The following IPO11 variants were observed in gnomAD, a reference collection of about 807,000 sequenced individuals.
IPO11 encodes the protein importin 11.
Under a neutral mutation model 143.2 loss-of-function variants are expected in IPO11, and 66 were observed. That is an observed-to-expected ratio of 0.46 (90% CI 0.38 to 0.57). The LOEUF (loss-of-function observed/expected upper bound fraction) is 0.57, where lower values mean the gene tolerates loss of function less well. IPO11 is among the 20% of genes least tolerant of loss of function. The probability of loss-of-function intolerance (pLI) is 0.00; values close to 1 mark genes in which losing one functional copy is unlikely to be tolerated. For missense variants in IPO11, 1,026 were observed against 1,141.0 expected (o/e 0.90, Z 1.45); for synonymous variants, 385 against 377.8 (o/e 1.02, Z -0.22).
At chr5:62,568,753 G>T (rs1178545661) in intron 27 of IPO11, among the ~76,000 whole-genome samples, 1 of 152,078 alleles carries the variant, frequency 6.6e-6, no homozygotes, top group Non-Finnish European at 1.5e-5. Flanking sequence ...ATTATTTAGT[G>T]TGATAAATAT....
At chr5:62,440,216 A>G (rs2112137615) in intron 2 of IPO11, among the ~76,000 whole-genome samples, 1 of 152,332 alleles carries the variant, frequency 6.6e-6, no homozygotes, top group Admixed American at 6.5e-5. Context: ...GGAGACCCAA[A>G]AGAGGGACTT....
intron 28 of IPO11, among the ~76,000 whole-genome samples, chr5:62,593,505 C>CA (rs1745109177): frequency 6.6e-6 from 1 of 151,842 alleles, no homozygotes. Context: ...ACAACAACAA[C>CA]AAAAAAAGTG....
intron 1 of IPO11, among the ~76,000 whole-genome samples, chr5:62,432,642 T>C (rs1401832713): frequency 6.6e-6 from 1 of 152,248 alleles, no homozygotes. Flanking sequence ...CCAGAGACTT[T>C]GAGCTTTTTA....
At chr5:62,478,210 C>T (rs1182180170) in intron 9 of IPO11, among the ~76,000 whole-genome samples, 1 of 152,048 alleles carries the variant, frequency 6.6e-6, no homozygotes, top group Non-Finnish European at 1.5e-5. Context: ...CTGTCACCCA[C>T]GCTGGAGTGC....
chr5:62,560,992 T>A (rs1245009046), intron 26 of IPO11, 144 bp from the exon 27 acceptor site: 24 of 620,920 alleles, frequency 3.9e-5, no homozygotes, highest in Non-Finnish European at 5.7e-5. Context: ...GCTCATGACT[T>A]AACCCCAGTT....
Position 62,561,234 on chromosome 5 carries a change from C to T in IPO11, c.2559C>T (p.Leu853=). The change falls in exon 27 of 30, where the codon CTC becomes CTT. Residue 853 remains leucine, a synonymous_variant. Coordinates refer to ENST00000325324, the MANE Select transcript of IPO11 (RefSeq NM_016338.5). ...GAAAACTTTCAGCTTTGGCTTTGCT[C>T]TCTCTTCTGCCATCTGATAATAGGT... ...ERRKLSALAL[L]SLLPSDNSVI... 1 of 1,586,300 alleles carries T rather than the reference C, an allele frequency of 6.3e-7. No homozygotes were observed. The highest frequency in any genetic ancestry group is 8.6e-7 in the Non-Finnish European group (1 of 1,165,558).
Position 62,564,805 on chromosome 5 carries a change from CTT to C in IPO11, c.2582+3551_2582+3552del, listed in dbSNP as rs893540207. ...TGACCATTTGGGAAATGGTTAAACT[CTT>C]TTACTCTAACCCACTACTTTTGGCT... On this transcript the variant is annotated intron_variant, in intron 27 of 29. Transcript: ENST00000325324. Among the ~76,000 whole-genome samples, 5 of 152,140 alleles carry C rather than the reference CTT, an allele frequency of 3.3e-5. 1 individual carries two copies. Among genetic ancestry groups the C allele is most frequent in the African/African-American group, 1.2e-4 (5 of 41,428 alleles).
At chr5:62,518,899 A>G (rs1742118074) in intron 20 of IPO11, among the ~76,000 whole-genome samples, 3 of 152,374 alleles carry the variant, frequency 2.0e-5, no homozygotes, top group South Asian at 4.1e-4. Flanking sequence ...GCACTGGGCT[A>G]CAGAATACAA....
At chr5:62,550,598 A>G in intron 25 of IPO11, 136 bp downstream of exon 25, 1 of 571,194 alleles carries the variant, frequency 1.8e-6, no homozygotes, top group Non-Finnish European at 2.9e-6. Flanking sequence ...CAGGGCGGTT[A>G]GACACCTTTG....
chr5:62,608,604 G>C (rs1745815179), intron 29 of IPO11, among the ~76,000 whole-genome samples: 1 of 152,112 alleles, frequency 6.6e-6, no homozygotes, highest in African/African-American at 2.4e-5. Flanking sequence ...TCCTCCATCT[G>C]GAATAGCCCT....
At chr5:62,501,882 C>G (rs1182612826) in intron 16 of IPO11, among the ~76,000 whole-genome samples, 1 of 152,078 alleles carries the variant, frequency 6.6e-6, no homozygotes, top group Non-Finnish European at 1.5e-5. Flanking sequence ...TTACATTTTC[C>G]TGGTGGTCTT....
chr5:62,466,352 C>T (rs11954973), intron 5 of IPO11, among the ~76,000 whole-genome samples: 15 of 152,166 alleles, frequency 9.9e-5, no homozygotes, highest in Non-Finnish European at 2.1e-4. Context: ...GCTCTGGTTT[C>T]TGATGCCTGT....
chr5:62,561,993 A>G (rs182077332), intron 27 of IPO11: 35 of 152,278 alleles, frequency 2.3e-4, no homozygotes, highest in African/African-American at 5.8e-4. Flanking sequence ...CATTGCTTAT[A>G]CTTTTGGTTT....
At chr5:62,551,403 A>G in intron 26 of IPO11, 67 bp downstream of exon 26, 1 of 848,674 alleles carries the variant, frequency 1.2e-6, no homozygotes, top group Non-Finnish European at 1.9e-6. Flanking sequence ...TAGTTTGATG[A>G]AATAATGAGT....
intron 28 of IPO11, among the ~76,000 whole-genome samples, chr5:62,593,508 A>C (rs924975078): frequency 5.3e-5 from 8 of 152,142 alleles, no homozygotes; most frequent in African/African-American, 1.9e-4. Context: ...ACAACAACAA[A>C]AAAAGTGGAG....
At chr5:62,418,147 T>C (rs1743368724) in intron 1 of IPO11, among the ~76,000 whole-genome samples, 3 of 148,258 alleles carry the variant, frequency 2.0e-5, no homozygotes, top group South Asian at 4.3e-4. Flanking sequence ...TGCACTACCA[T>C]GCCCACGCCT....
At chr5:62,577,944 A>G (rs540336035) in intron 27 of IPO11, among the ~76,000 whole-genome samples, 1 of 152,240 alleles carries the variant, frequency 6.6e-6, no homozygotes, top group South Asian at 2.1e-4. Context: ...CTTAAAGTTA[A>G]TGAAAGAAAG....
chr5:62,516,070 C>G (rs1742003612), intron 20 of IPO11, among the ~76,000 whole-genome samples: 1 of 152,128 alleles, frequency 6.6e-6, no homozygotes, highest in Non-Finnish European at 1.5e-5. Flanking sequence ...GGGAAGAGCT[C>G]AAGGCCGTGA....
At chr5:62,547,150 G>A (rs960392786) in intron 24 of IPO11, among the ~76,000 whole-genome samples, 1 of 152,074 alleles carries the variant, frequency 6.6e-6, no homozygotes, top group African/African-American at 2.4e-5. Context: ...TACATCCCTG[G>A]TGGGATGTAA....
Sources: gnomAD v4.1 joint callset for allele counts (sites outside exome capture counted in the v4.1 genomes callset) on GRCh38, gnomAD v4.1.1 for gene constraint, MANE v1.5 for transcripts, NCBI Gene and HGNC (gene_info 2026-07-23, HGNC 2026-07-21) for gene names.